Variants in DRG2 observed in about 807,000 individuals in gnomAD.
DRG2 encodes the protein developmentally regulated GTP binding protein 2.
A neutral mutation model predicts 53.4 loss-of-function variants in DRG2; 36 were observed. That is an observed-to-expected ratio of 0.67 (90% confidence interval 0.52 to 0.89). The LOEUF is 0.89. Among genes scored for constraint, DRG2 ranks in the 40% least tolerant of loss-of-function variants. The probability of loss-of-function intolerance (pLI) is 0.00; values close to 1 mark genes in which losing one functional copy is unlikely to be tolerated. For synonymous variants in DRG2, 167 were observed against 192.1 expected (o/e 0.87, Z 1.08); for missense variants, 342 against 481.2 (o/e 0.71, Z 2.71).
In DRG2 at chr17:18,100,341, G is replaced by T. The variant is rs779621152; in HGVS notation, c.468-22G>T. On this transcript the variant is annotated intron_variant, in intron 5 of 12. Transcript: ENST00000225729. The surrounding 1 kb of genome is among the most constrained non-coding windows in gnomAD (Gnocchi z 4.1). ...TGGCTCTGTGGACAGCCTGTGAGGG[G>T]CTTAAGGGGTACTCTTCCTAGGTCT... 1 of 1,613,794 alleles carries T rather than the reference G, an allele frequency of 6.2e-7. No individual in the cohort carries two copies. Among genetic ancestry groups the T allele is most frequent in the Non-Finnish European group, 8.5e-7 (1 of 1,179,780 alleles).
In DRG2 at chr17:18,098,933, C is replaced by T; in HGVS notation, c.316-84C>T. The T allele has an allele frequency of 6.7e-7, 1 of 1,500,906 alleles. No individual in the cohort carries two copies. The highest frequency in any genetic ancestry group is 9.2e-7 in the Non-Finnish European group (1 of 1,085,566). The allele number at this position is 1,500,906 out of a possible 1,614,324, so 93.0% of individuals were successfully genotyped here. ...TTCCCTCAGCCCCTGAGCCCCGGGG[C>T]CATTCCAGATGTCCCAGATCCAGAC... On this transcript the variant is annotated intron_variant, in intron 3 of 12. Coordinates refer to ENST00000225729, the MANE Select transcript of DRG2 (RefSeq NM_001388.5). This position sits in a 1 kb window ranked among gnomAD's most constrained non-coding sequence, Gnocchi z 4.1.
rs113232071 is a variant in DRG2 at position 18,099,990 on chromosome 17, A to G, written c.467+267A>G. On this transcript the variant is annotated intron_variant, in intron 5 of 12. Coordinates refer to ENST00000225729, the MANE Select transcript of DRG2 (RefSeq NM_001388.5). The surrounding 1 kb of genome is among the most constrained non-coding windows in gnomAD (Gnocchi z 4.4). ...TGTTCAGAGGCACAGGTGCCTCATCACTGCCCAGAACCTGCCAGGAGCCCA... is the reference window on the plus strand; with the variant it reads ...TGTTCAGAGGCACAGGTGCCTCATCGCTGCCCAGAACCTGCCAGGAGCCCA... The G allele has an allele frequency of 2.2e-4, 129 of 585,938 alleles. 2 individuals carry two copies. Among genetic ancestry groups the G allele is most frequent in the African/African-American group, 2.0e-3 (107 of 53,654 alleles). 36.3% of individuals were successfully genotyped at this position (585,938 alleles called of 1,614,324 possible).
Position 18,100,743 on chromosome 17 carries a change from T to A in DRG2, c.631+84T>A, listed in dbSNP as rs2045518119. ...GGACTGACTAAGACAGGAGGCCTCA[T>A]GGAGCAGGGTGGCAGCAGGTCACCC... On this transcript the variant is annotated intron_variant, in intron 7 of 12. Transcript: ENST00000225729. This position sits in a 1 kb window ranked among gnomAD's most constrained non-coding sequence, Gnocchi z 4.1. 2.2e-6 allele frequency: 3 copies of A among 1,369,932 alleles called. No individual in the cohort carries two copies. The Admixed American group carries it at 5.9e-5, about 27-fold the overall frequency. The allele number at this position is 1,369,932 out of a possible 1,614,324, so 84.9% of individuals were successfully genotyped here.
chr17:18,093,768 G>A, intron 1 of DRG2, 45 bp from the exon 2 acceptor site: 1 of 1,594,148 alleles, frequency 6.3e-7, no homozygotes, highest in Non-Finnish European at 8.6e-7. Context: ...CCCTGGGCTT[G>A]GACACCCTGG....
chr17:18,107,066 C>T (rs778027270), intron 12 of DRG2, 88 bp from the exon 13 acceptor site: 45 of 1,232,086 alleles, frequency 3.7e-5, no homozygotes, highest in Non-Finnish European at 5.0e-5. Flanking sequence ...TGGCATTTAC[C>T]CTTCAGGACA....
chr17:18,097,782 C>G (rs1244352373), intron 2 of DRG2: 1 of 152,886 alleles, frequency 6.5e-6, no homozygotes, highest in Non-Finnish European at 1.5e-5. Flanking sequence ...CCCAGTTCCC[C>G]ACTCCCTCCC....
rs2045470886 is a variant in DRG2 at position 18,098,425 on chromosome 17, C to T, written c.315+66C>T. On this transcript the variant is annotated intron_variant, in intron 3 of 12. Coordinates refer to ENST00000225729, the MANE Select transcript of DRG2 (RefSeq NM_001388.5). This position sits in a 1 kb window ranked among gnomAD's most constrained non-coding sequence, Gnocchi z 4.1. The stretch of plus-strand genomic sequence containing the variant: ...GCTTGTGTTTGGACTTGTGCCTGTG[C>T]CCACCCTGTGTGTGAGTCTGGGTGG... 4 of 1,443,908 alleles carry T rather than the reference C, an allele frequency of 2.8e-6. No individual in the cohort carries two copies. The South Asian group carries it at 4.6e-5, about 17-fold the overall frequency. 89.4% of individuals were successfully genotyped at this position (1,443,908 alleles called of 1,614,324 possible).
intron 12 of DRG2, 105 bp downstream of exon 12, chr17:18,106,591 C>T: frequency 7.6e-7 from 1 of 1,308,964 alleles, no homozygotes. Flanking sequence ...TCCTGTCCTT[C>T]CTGTGGGGAT....
intron 11 of DRG2, among the ~76,000 whole-genome samples, chr17:18,105,178 G>A (rs1242377778): frequency 6.6e-6 from 1 of 152,142 alleles, no homozygotes; most frequent in African/African-American, 2.4e-5. Context: ...CAGGCCCCAG[G>A]GGAGGTGGTC....
Position 18,093,822 on chromosome 17 carries a change from A to T in DRG2, c.74A>T (p.Tyr25Phe), listed in dbSNP as rs774506911. 6.2e-7 allele frequency: 1 copy of T among 1,613,898 alleles called. No homozygotes were observed. Among genetic ancestry groups the T allele is most frequent in the Non-Finnish European group, 8.5e-7 (1 of 1,179,910 alleles). Residue 25 changes from tyrosine (Y) to phenylalanine (F), a missense_variant, in exon 2 of 13, where the codon TAT (tyrosine) becomes TTT (phenylalanine). Tyr to Phe is a conservative substitution (Grantham distance 22). Coordinates refer to ENST00000225729, the MANE Select transcript of DRG2 (RefSeq NM_001388.5). The stretch of plus-strand genomic sequence containing the variant: ...GCTTTCCATCCTTTAGCCACTGAGT[A>T]TCATCTGGGCCTGCTGAAAGCTAAG... ...ARTQKNKATE[Y>F]HLGLLKAKLA...
Position 18,098,298 on chromosome 17 carries a change from C to T in DRG2, c.254C>T (p.Thr85Met), listed in dbSNP as rs373881018. 1.4e-5 allele frequency: 22 copies of T among 1,613,958 alleles called. No individual in the cohort carries two copies. Among genetic ancestry groups the T allele is most frequent in the Non-Finnish European group, 1.8e-5 (21 of 1,179,872 alleles). ...KSTFLSLMTS[T>M]ASEAASYEFT... The stretch of plus-strand genomic sequence containing the variant: ...ACATTCTTGAGTCTGATGACCTCCA[C>T]GGCCAGCGAGGCAGCGTCCTATGAG... Residue 85 changes from threonine (T) to methionine (M), a missense_variant, in exon 3 of 13, where the codon ACG becomes ATG. Physicochemically the swap from Thr to Met is moderately conservative, Grantham distance 81. Transcript: ENST00000225729. The surrounding 1 kb of genome is among the most constrained non-coding windows in gnomAD (Gnocchi z 4.1).
chr17:18,092,679 A>G (rs1355494463), intron 1 of DRG2, among the ~76,000 whole-genome samples: 1 of 152,238 alleles, frequency 6.6e-6, no homozygotes, highest in African/African-American at 2.4e-5. Flanking sequence ...GGAGAAGAAG[A>G]AAAAGGAAAG....
At chr17:18,102,050 C>G (rs2142201309) in intron 9 of DRG2, 53 bp downstream of exon 9, 1 of 1,564,584 alleles carries the variant, frequency 6.4e-7, no homozygotes, top group East Asian at 2.4e-5. Flanking sequence ...GGTTCTGACC[C>G]CAGTCGTCAG....
In DRG2 at chr17:18,098,454, TC is replaced by T; in HGVS notation, c.315+99del. 2.6e-6 allele frequency: 3 copies of T among 1,133,020 alleles called. No individual in the cohort carries two copies. The highest frequency in any genetic ancestry group is 4.0e-6 in the Non-Finnish European group (3 of 751,640). The allele number at this position is 1,133,020 out of a possible 1,614,324, so 70.2% of individuals were successfully genotyped here. A position where few individuals can be genotyped will look rare whatever the true frequency, so the allele number is the denominator to read the frequency against. ...CCCTGTGTGTGAGTCTGGGTGGATG[TC>T]CCCATGTCAGGACAGGCTCTGGACT... On this transcript the variant is annotated intron_variant, in intron 3 of 12. Transcript: ENST00000225729. The surrounding 1 kb of genome is among the most constrained non-coding windows in gnomAD (Gnocchi z 4.1).
At position 18,102,108 on chromosome 17, in the gene DRG2, C is replaced by T. The variant is rs2045548782; in HGVS notation, c.806+111C>T. 7.1e-6 allele frequency: 8 copies of T among 1,131,160 alleles called. No individual in the cohort carries two copies. In the South Asian group the frequency reaches 8.2e-5, roughly 12 times the overall value. The allele number at this position is 1,131,160 out of a possible 1,614,324, so 70.1% of individuals were successfully genotyped here. A position where few individuals can be genotyped will look rare whatever the true frequency, so the allele number is the denominator to read the frequency against. ...GGAGGAGGAAAAGCCAGCACAGCCT[C>T]CAGCAGCACACAGCCGTCACGGAGC... On this transcript the variant is annotated intron_variant, in intron 9 of 12. Transcript: ENST00000225729.
At chr17:18,091,694 T>TA (rs2045336687) in intron 1 of DRG2, among the ~76,000 whole-genome samples, 2 of 149,578 alleles carry the variant, frequency 1.3e-5, no homozygotes, top group African/African-American at 4.9e-5. Flanking sequence ...CCATCTCCAT[T>TA]AAAAATACAA....
At chr17:18,091,415 G>A (rs750735812) in intron 1 of DRG2, among the ~76,000 whole-genome samples, 5 of 151,990 alleles carry the variant, frequency 3.3e-5, no homozygotes, top group African/African-American at 4.8e-5. Flanking sequence ...GTGAAACCCC[G>A]TCTCTACTAA....
chr17:18,104,633 C>T lies in DRG2; in HGVS notation c.906C>T (p.Asp302=). 6.2e-7 allele frequency: 1 copy of T among 1,613,880 alleles called. No homozygotes were observed. Among genetic ancestry groups the T allele is most frequent in the Non-Finnish European group, 8.5e-7 (1 of 1,180,028 alleles). The part of the protein sequence containing the change: ...IYTKKRGQRP[D]FTDAIILRKG... ...CATCCTGCCCTGCAGAGAGGCCAGA[C>T]TTCACAGACGCCATCATTCTCCGGA... The change falls in exon 11 of 13, where the codon GAC becomes GAT. Residue 302 remains aspartate, a synonymous_variant. Transcript: ENST00000225729.
At chr17:18,095,427 T>G (rs1312997920) in intron 2 of DRG2, 1 of 138,830 alleles carries the variant, frequency 7.2e-6, no homozygotes, top group Admixed American at 7.6e-5. Context: ...ATAGTTTCAC[T>G]CTTGTTGCCC....
Sources: allele counts gnomAD v4.1 joint callset (sites outside exome capture counted in the v4.1 genomes callset), GRCh38; gene constraint gnomAD v4.1.1; non-coding constraint Gnocchi (gnomAD v3.1); transcripts MANE v1.5; gene names NCBI Gene and HGNC (gene_info 2026-07-23, HGNC 2026-07-21).